The following PPP1R9A variants were observed in gnomAD, a reference collection of about 807,000 sequenced individuals.
The protein encoded by PPP1R9A is neurabin-1.
Under a neutral mutation model 141.9 loss-of-function variants are expected in PPP1R9A, and 59 were observed. The ratio of observed to expected loss-of-function variants is 0.42; its 90% CI spans 0.34 to 0.52. PPP1R9A has a LOEUF of 0.52. PPP1R9A is among the 20% of genes least tolerant of loss of function. The pLI is 0.10. For missense variants in PPP1R9A, 1,444 were observed against 1,611.9 expected (o/e 0.90, Z 1.78); for synonymous variants, 500 against 569.7 (o/e 0.88, Z 1.74).
At chr7:95,186,838 C>G (rs774695163) in intron 5 of PPP1R9A, among the ~76,000 whole-genome samples, 3 of 152,086 alleles carry the variant, frequency 2.0e-5, no homozygotes, top group Non-Finnish European at 2.9e-5. Flanking sequence ...ATTAAATCAT[C>G]CCTGCATCTC....
intron 2 of PPP1R9A, among the ~76,000 whole-genome samples, chr7:95,092,884 G>A (rs1817545498): frequency 6.6e-6 from 1 of 152,212 alleles, no homozygotes; most frequent in Admixed American, 6.5e-5. Context: ...CTTCCAAAGT[G>A]AGAGAGTGAG....
chr7:95,180,299 T>A (rs914565160), intron 5 of PPP1R9A, among the ~76,000 whole-genome samples: 1 of 152,102 alleles, frequency 6.6e-6, no homozygotes, highest in Non-Finnish European at 1.5e-5. Flanking sequence ...TAACAAATGG[T>A]GCTGGGATAC....
intron 5 of PPP1R9A, among the ~76,000 whole-genome samples, chr7:95,197,933 G>A (rs1246850873): frequency 1.3e-5 from 2 of 152,166 alleles, no homozygotes; most frequent in Admixed American, 6.5e-5. Context: ...ATAGGCTTGA[G>A]CCACTGAGCC....
chr7:95,014,767 G>A (rs998661194), intron 2 of PPP1R9A, among the ~76,000 whole-genome samples: 1 of 152,004 alleles, frequency 6.6e-6, no homozygotes, highest in South Asian at 2.1e-4. Context: ...TGTCACTTCC[G>A]TATTTACTAA....
At chr7:95,042,368 A>G (rs1187945842) in intron 2 of PPP1R9A, among the ~76,000 whole-genome samples, 1 of 152,196 alleles carries the variant, frequency 6.6e-6, no homozygotes. Context: ...GATATGTTTT[A>G]TTAGAAGAGT....
At chr7:95,164,565 C>T (rs539388690) in intron 5 of PPP1R9A, among the ~76,000 whole-genome samples, 4 of 152,028 alleles carry the variant, frequency 2.6e-5, no homozygotes, top group Admixed American at 2.6e-4. Flanking sequence ...TTTATTTCTT[C>T]TGCATTGTCT....
At chr7:95,150,597 C>T (rs1039330754) in intron 4 of PPP1R9A, among the ~76,000 whole-genome samples, 6 of 152,238 alleles carry the variant, frequency 3.9e-5, no homozygotes, top group East Asian at 1.9e-4. Context: ...CCACCGCGTC[C>T]GGCTGGCAAT....
chr7:95,263,443 T>C (rs1187042720), intron 12 of PPP1R9A, among the ~76,000 whole-genome samples: 2 of 151,724 alleles, frequency 1.3e-5, no homozygotes, highest in African/African-American at 4.8e-5. Context: ...GTTGTTGTTG[T>C]TGTTGTTTTG....
chr7:95,195,892 A>C (rs542491409), intron 5 of PPP1R9A, among the ~76,000 whole-genome samples: 1 of 152,164 alleles, frequency 6.6e-6, no homozygotes, highest in East Asian at 1.9e-4. Flanking sequence ...CTCTACAAAA[A>C]ATTATAAAAT....
chr7:94,920,469 A>C (rs536187094), intron 2 of PPP1R9A, among the ~76,000 whole-genome samples: 7 of 152,276 alleles, frequency 4.6e-5, no homozygotes, highest in African/African-American at 1.7e-4. Flanking sequence ...AGATATCAGG[A>C]AATTTTATAT....
chr7:95,008,161 GAAAC>G (rs1252739560), intron 2 of PPP1R9A, among the ~76,000 whole-genome samples: 1 of 152,102 alleles, frequency 6.6e-6, no homozygotes, highest in Non-Finnish European at 1.5e-5. Flanking sequence ...TTTATGGTAA[GAAAC>G]AAATTACATG....
chr7:95,278,351 ATAT>A (rs1189550147), intron 16 of PPP1R9A, among the ~76,000 whole-genome samples: 3 of 152,324 alleles, frequency 2.0e-5, no homozygotes, highest in East Asian at 3.9e-4. Context: ...TATCTTCATA[ATAT>A]TATAATATTG....
intron 2 of PPP1R9A, among the ~76,000 whole-genome samples, chr7:94,973,226 AT>A (rs1256244435): frequency 6.6e-6 from 1 of 152,170 alleles, no homozygotes; most frequent in Admixed American, 6.5e-5. Flanking sequence ...GTGTTTTTAT[AT>A]TTTGGTTATT....
chr7:94,959,590 CA>C (rs917412978), intron 2 of PPP1R9A, among the ~76,000 whole-genome samples: 7 of 151,668 alleles, frequency 4.6e-5, no homozygotes, highest in Non-Finnish European at 8.9e-5. Flanking sequence ...ATGCATGTCA[CA>C]AATTAAACTT....
chr7:95,271,038 G>GA (rs1314084713), intron 14 of PPP1R9A, among the ~76,000 whole-genome samples: 4 of 151,950 alleles, frequency 2.6e-5, no homozygotes, highest in East Asian at 1.9e-4. Context: ...GCACTTAAGG[G>GA]AAAAAAAGGG....
At chr7:95,140,799 T>C (rs2152566800) in intron 4 of PPP1R9A, among the ~76,000 whole-genome samples, 1 of 152,296 alleles carries the variant, frequency 6.6e-6, no homozygotes, top group East Asian at 1.9e-4. Context: ...TGAAATCCTC[T>C]GCCTCCAAAG....
chr7:95,082,251 G>A (rs1815973273), intron 2 of PPP1R9A, among the ~76,000 whole-genome samples: 3 of 152,166 alleles, frequency 2.0e-5, no homozygotes, highest in Non-Finnish European at 4.4e-5. Context: ...TGGGGAATTA[G>A]ATGTTCATAT....
rs1287644820 is a variant in PPP1R9A, at chr7:95,291,515, C to T, written c.*1212C>T. 2 of 152,178 alleles carry T rather than the reference C, an allele frequency of 1.3e-5. No individual in the cohort carries two copies. Among genetic ancestry groups the T allele is most frequent in the Non-Finnish European group, 2.9e-5 (2 of 68,020 alleles). 9.4% of individuals were successfully genotyped at this position (152,178 alleles called of 1,614,324 possible). The stretch of plus-strand genomic sequence containing the variant: ...TAGGTATACTTTAGTAGTGGAGGAA[C>T]TTATACTAATTTTAAGCCAGCATTA... On this transcript the variant is annotated 3_prime_UTR_variant, in exon 20 of 20. Transcript: ENST00000433360.
intron 2 of PPP1R9A, among the ~76,000 whole-genome samples, chr7:95,007,120 C>G (rs1291068191): frequency 1.3e-5 from 2 of 152,186 alleles, no homozygotes; most frequent in Non-Finnish European, 2.9e-5. Context: ...TCTCAGCCTC[C>G]CAAAGTGCTG....
Sources: allele counts gnomAD v4.1 joint callset (sites outside exome capture counted in the v4.1 genomes callset), GRCh38; gene constraint gnomAD v4.1.1; transcripts MANE v1.5; gene names NCBI Gene and HGNC (gene_info 2026-07-23, HGNC 2026-07-21).